SP100: variants seen among roughly 807,000 people sequenced by gnomAD.
The protein encoded by SP100 is nuclear autoantigen Sp-100.
Under a neutral mutation model 130.0 loss-of-function variants are expected in SP100, and 84 were observed. That is an observed-to-expected ratio of 0.65 (90% confidence interval 0.54 to 0.77). SP100 has a LOEUF of 0.77. Ranked by LOEUF, SP100 falls within the 30% of genes least tolerant of loss-of-function variation. The probability of loss-of-function intolerance (pLI) is 0.00; values close to 1 mark genes in which losing one functional copy is unlikely to be tolerated. For missense variants in SP100, 978 were observed against 1,052.2 expected (o/e 0.93, Z 0.97); for synonymous variants, 331 against 351.7 (o/e 0.94, Z 0.66).
At chr2:230,510,772 G>A (rs560121172) in intron 23 of SP100, 21 of 313,338 alleles carry the variant, frequency 6.7e-5, no homozygotes, top group South Asian at 6.2e-4. Context: ...TGGGATTACA[G>A]GCATGAGCCA....
chr2:230,525,211 G>A (rs532193087), intron 24 of SP100, among the ~76,000 whole-genome samples: 8 of 152,308 alleles, frequency 5.3e-5, no homozygotes, highest in African/African-American at 1.7e-4. Context: ...GTTCAACCAT[G>A]TCATAGATGG....
intron 2 of SP100, among the ~76,000 whole-genome samples, chr2:230,434,250 A>G (rs1559484973): frequency 6.6e-6 from 1 of 152,182 alleles, no homozygotes; most frequent in Non-Finnish European, 1.5e-5. Flanking sequence ...TTAAATAGCT[A>G]TGTAATAGTT....
At chr2:230,453,945 G>A (rs2064141035) in intron 8 of SP100, among the ~76,000 whole-genome samples, 1 of 152,058 alleles carries the variant, frequency 6.6e-6, no homozygotes, top group Non-Finnish European at 1.5e-5. Flanking sequence ...TTGGTGGGTG[G>A]TATTTTATTA....
At chr2:230,486,172 C>A (rs1484757833) in intron 17 of SP100, among the ~76,000 whole-genome samples, 1 of 152,212 alleles carries the variant, frequency 6.6e-6, no homozygotes. Flanking sequence ...GCACATCTTA[C>A]CATGGCAACC....
intron 9 of SP100, 107 bp downstream of exon 9, chr2:230,461,521 A>G (rs970699228): frequency 1.1e-5 from 12 of 1,114,722 alleles, no homozygotes; most frequent in Non-Finnish European, 1.6e-5. Context: ...CCTGGGATGG[A>G]GGCAGGAAGG....
rs1178791797 is a variant in SP100 at position 230,503,155 on chromosome 2, T to A, written c.1765+45T>A. ...ATGTTTTTCATAATTAAACATTTAA[T>A]ATTTAATATTCTGTACTGTGAGTAA... is the stretch of plus-strand genomic sequence containing the variant. On this transcript the variant is annotated intron_variant, in intron 20 of 28. Coordinates refer to ENST00000340126, the MANE Select transcript of SP100 (RefSeq NM_001080391.2). 2.2e-6 allele frequency: 3 copies of A among 1,378,272 alleles called. No individual in the cohort carries two copies. The East Asian group carries it at 6.9e-5, about 32-fold the overall frequency. The allele number at this position is 1,378,272 out of a possible 1,614,324, so 85.4% of individuals were successfully genotyped here. A position where few individuals can be genotyped will look rare whatever the true frequency, so the allele number is the denominator to read the frequency against.
At chr2:230,480,660 G>A (rs954256431) in intron 17 of SP100, among the ~76,000 whole-genome samples, 23 of 152,282 alleles carry the variant, frequency 1.5e-4, no homozygotes, top group African/African-American at 5.1e-4. Context: ...GCTGGAAGGG[G>A]AGGCAAATCT....
At chr2:230,426,469 T>C (rs1198119883) in intron 2 of SP100, among the ~76,000 whole-genome samples, 1 of 152,188 alleles carries the variant, frequency 6.6e-6, no homozygotes, top group African/African-American at 2.4e-5. Context: ...ATGTTACCTT[T>C]TTGGCTTCTT....
intron 24 of SP100, among the ~76,000 whole-genome samples, chr2:230,513,643 GA>G (rs1235008211): frequency 2.0e-5 from 3 of 152,218 alleles, no homozygotes; most frequent in South Asian, 2.1e-4. Flanking sequence ...CTCGGTGGGG[GA>G]AAAAAACCTT....
chr2:230,515,566 A>C, intron 24 of SP100: 2 of 1,599,050 alleles, frequency 1.3e-6, no homozygotes, highest in African/African-American at 2.7e-5. Flanking sequence ...TGAAAAAAGC[A>C]AGAAAAAGAA....
intron 17 of SP100, among the ~76,000 whole-genome samples, chr2:230,493,483 C>G (rs1180766723): frequency 6.6e-6 from 1 of 152,184 alleles, no homozygotes; most frequent in African/African-American, 2.4e-5. Context: ...TCCCAAAGTG[C>G]TAAGATTACA....
At chr2:230,502,133 T>G (rs1374163861) in intron 19 of SP100, among the ~76,000 whole-genome samples, 3 of 151,924 alleles carry the variant, frequency 2.0e-5, no homozygotes, top group Non-Finnish European at 4.4e-5. Flanking sequence ...TCCATCCACC[T>G]TGGCCTCCCA....
intron 15 of SP100, among the ~76,000 whole-genome samples, chr2:230,472,832 A>G (rs2065340982): frequency 6.6e-6 from 1 of 152,166 alleles, no homozygotes; most frequent in Non-Finnish European, 1.5e-5. Context: ...CCCAGATTAA[A>G]AAAGGCCTCA....
Position 230,469,058 on chromosome 2 carries a change from G to A in SP100, c.1307G>A (p.Arg436Lys). 4.4e-6 allele frequency: 7 copies of A among 1,596,404 alleles called. No individual in the cohort carries two copies. Among genetic ancestry groups the A allele is most frequent in the Non-Finnish European group, 6.0e-6 (7 of 1,166,492 alleles). The change falls in exon 14 of 29, where the codon AGA becomes AAA. Residue 436 changes from arginine to lysine, a missense_variant. Arg to Lys is a conservative substitution (Grantham distance 26). Coordinates refer to ENST00000340126, the MANE Select transcript of SP100 (RefSeq NM_001080391.2). The stretch of plus-strand genomic sequence containing the variant: ...TACTTTCTAGCTCCTATGACTTCTA[G>A]AAGTACATCTACTTGGAGAATACCC... ...KHGEKAPMTS[R>K]STSTWRIPSR...
intron 22 of SP100, among the ~76,000 whole-genome samples, chr2:230,507,788 A>G (rs567635959): frequency 1.0e-3 from 152 of 152,312 alleles, no homozygotes; most frequent in African/African-American, 2.8e-3. Context: ...TGGACTGATT[A>G]TAGAAGTCAT....
chr2:230,539,473 C>T (rs1264220789), intron 25 of SP100, 91 bp downstream of exon 25: 1 of 834,230 alleles, frequency 1.2e-6, no homozygotes, highest in Non-Finnish European at 2.0e-6. Flanking sequence ...GTTTCTGTAC[C>T]TGGTTATGTG....
chr2:230,511,395 G>A (rs1351691936), intron 24 of SP100, among the ~76,000 whole-genome samples: 1 of 152,198 alleles, frequency 6.6e-6, no homozygotes, highest in Admixed American at 6.6e-5. Flanking sequence ...CCCTTAGAAA[G>A]TGAGTATAGG....
intron 24 of SP100, among the ~76,000 whole-genome samples, chr2:230,513,135 G>A (rs1690717383): frequency 3.9e-5 from 6 of 152,282 alleles, no homozygotes; most frequent in Middle Eastern, 3.4e-3. Context: ...TCCTTATCCC[G>A]GAAGTTGGAA....
chr2:230,501,148 A>C, intron 19 of SP100, among the ~76,000 whole-genome samples: 1 of 152,188 alleles, frequency 6.6e-6, no homozygotes, highest in East Asian at 1.9e-4. Context: ...AGGCAGAGGA[A>C]GGAAAATCAC....
Sources: gnomAD v4.1 joint callset for allele counts (sites outside exome capture counted in the v4.1 genomes callset) on GRCh38, gnomAD v4.1.1 for gene constraint, MANE v1.5 for transcripts, NCBI Gene and HGNC (gene_info 2026-07-23, HGNC 2026-07-21) for gene names.